Variants in CREB3L2 observed in about 807,000 individuals in gnomAD.
CREB3L2 encodes the protein cAMP responsive element binding protein 3 like 2.
A neutral mutation model predicts 57.2 loss-of-function variants in CREB3L2; 23 were observed. That is an observed-to-expected ratio of 0.40 (90% CI 0.29 to 0.57). The LOEUF (loss-of-function observed/expected upper bound fraction) is 0.57, where lower values mean the gene tolerates loss of function less well. CREB3L2 is among the 20% of genes least tolerant of loss of function. The pLI, the probability that CREB3L2 is intolerant of heterozygous loss-of-function variation, is 0.42. For synonymous variants in CREB3L2, 268 were observed against 265.1 expected, an observed-to-expected ratio of 1.01 and a Z score of -0.11; for missense variants, 628 against 634.7, an observed-to-expected ratio of 0.99 and a Z score of 0.11.
chr7:137,922,408 A>ATG (rs1800323110), intron 2 of CREB3L2, among the ~76,000 whole-genome samples: 2 of 29,056 alleles, frequency 6.9e-5, no homozygotes, highest in Non-Finnish European at 1.3e-4. Flanking sequence ...ATATATATAT[A>ATG]TATATATGTA....
At position 137,915,959 on chromosome 7, in the gene CREB3L2, T is replaced by C. The variant is rs1396043548; in HGVS notation, c.373A>G (p.Ile125Val). 1.2e-6 allele frequency: 2 copies of C among 1,614,092 alleles called. No homozygotes were observed. The highest frequency in any genetic ancestry group is 1.7e-6 in the Non-Finnish European group (2 of 1,179,978). The change falls in exon 3 of 12, where the codon ATC becomes GTC. Residue 125 changes from isoleucine to valine, a missense_variant. By Grantham distance (29) the Ile-to-Val change is conservative (BLOSUM62 3). Transcript: ENST00000330387. ...YLSTDFPSTS[I>V]KTEPVTDEPP... ...TCGTCTGTAACTGGCTCTGTCTTGA[T>C]GGATGTTGAAGGGAAGTCTGTAGAC...
At chr7:137,927,553 T>G (rs1231711341) in intron 2 of CREB3L2, among the ~76,000 whole-genome samples, 3 of 152,046 alleles carry the variant, frequency 2.0e-5, no homozygotes, top group African/African-American at 7.3e-5. Context: ...TTTTACCAAT[T>G]AAGGGCTGTA....
At position 137,897,984 on chromosome 7, in the gene CREB3L2, T is replaced by C. The variant is rs191286465; in HGVS notation, c.1043+3370A>G. Among the ~76,000 whole-genome samples the C allele has an allele frequency of 8.6e-3, 1,311 of 152,190 alleles. 8 individuals carry two copies. Among genetic ancestry groups the C allele is most frequent in the Non-Finnish European group, 0.013 (897 of 68,000 alleles). ...ACAAAATGAAAAGGCAGCCCACGGA[T>C]TGGGAGAAAATGTTTGCAAACCATA... On this transcript the variant is annotated intron_variant, in intron 8 of 11. Transcript: ENST00000330387.
chr7:137,956,576 T>C lies in CREB3L2; in HGVS notation c.103-28210A>G, dbSNP rs554440789. The C allele has an allele frequency of 3.6e-5, 47 of 1,288,436 alleles. No individual in the cohort carries two copies. In the East Asian group the frequency reaches 7.8e-4, roughly 21 times the overall value. 79.8% of individuals were successfully genotyped at this position (1,288,436 alleles called of 1,614,324 possible). A position where few individuals can be genotyped will look rare whatever the true frequency, so the allele number is the denominator to read the frequency against. On this transcript the variant is annotated intron_variant, in intron 1 of 11. Coordinates refer to ENST00000330387, the MANE Select transcript of CREB3L2 (RefSeq NM_194071.4). Reference sequence around the variant, plus strand: ...CTGCCATTGCACTCTCTACCTTCCATCTTTCAGGTCCTGGCAATCCTTCAC... The same window carrying C: ...CTGCCATTGCACTCTCTACCTTCCACCTTTCAGGTCCTGGCAATCCTTCAC...
chr7:137,912,680 C>T lies in CREB3L2; in HGVS notation c.583+311G>A, dbSNP rs113512243. The T allele has an allele frequency of 4.1e-3, 2,634 of 650,118 alleles. 8 individuals carry two copies. Among genetic ancestry groups the T allele is most frequent in the African/African-American group, 0.012 (660 of 54,854 alleles). The allele number at this position is 650,118 out of a possible 1,614,324, so 40.3% of individuals were successfully genotyped here. ...TTCACGCCTGGATGAATAAGGGCTG[C>T]AGTTCTCTTGTTCGATAGTGTTTGT... is the stretch of plus-strand genomic sequence containing the variant. On this transcript the variant is annotated intron_variant, in intron 4 of 11. Coordinates refer to ENST00000330387, the MANE Select transcript of CREB3L2 (RefSeq NM_194071.4).
At chr7:137,928,522 A>G (rs746343252) in intron 1 of CREB3L2, among the ~76,000 whole-genome samples, 156 bp from the exon 2 acceptor site, 6 of 146,988 alleles carry the variant, frequency 4.1e-5, no homozygotes, top group Non-Finnish European at 9.0e-5. Context: ...AACCACCCCA[A>G]TGTTTAGTGG....
At chr7:137,922,394 A>G (rs1215511619) in intron 2 of CREB3L2, among the ~76,000 whole-genome samples, 479 of 18,014 alleles carry the variant, frequency 0.027, 15 homozygotes, top group African/African-American at 0.12. Flanking sequence ...GTATATATAT[A>G]TATATATATA....
At chr7:137,996,885 A>G (rs1466546407) in intron 1 of CREB3L2, among the ~76,000 whole-genome samples, 1 of 152,232 alleles carries the variant, frequency 6.6e-6, no homozygotes, top group Non-Finnish European at 1.5e-5. Flanking sequence ...TACTTTCACA[A>G]AGACTTAGTT....
At chr7:137,921,131 A>C (rs1032073331) in intron 2 of CREB3L2, among the ~76,000 whole-genome samples, 1 of 152,206 alleles carries the variant, frequency 6.6e-6, no homozygotes, top group Non-Finnish European at 1.5e-5. Context: ...ACACCCTCTA[A>C]TTTCTAAAAC....
At chr7:137,958,869 C>T (rs1026385486) in intron 1 of CREB3L2, among the ~76,000 whole-genome samples, 17 of 152,222 alleles carry the variant, frequency 1.1e-4, no homozygotes, top group African/African-American at 4.1e-4. Context: ...CCAGTGCAGT[C>T]AGGATCAATC....
At chr7:137,917,035 G>A (rs1283751069) in intron 2 of CREB3L2, among the ~76,000 whole-genome samples, 10 of 152,080 alleles carry the variant, frequency 6.6e-5, no homozygotes, top group Admixed American at 5.9e-4. Flanking sequence ...GACTTTCAGA[G>A]ACTCTGCTTA....
chr7:137,957,954 TTG>T (rs1290213008), intron 1 of CREB3L2: 4 of 376,882 alleles, frequency 1.1e-5, no homozygotes, highest in African/African-American at 8.5e-5. Flanking sequence ...GGCAGGAACA[TTG>T]TGTCTGGCGT....
intron 1 of CREB3L2, among the ~76,000 whole-genome samples, chr7:137,975,652 C>T (rs1801594052): frequency 6.6e-6 from 1 of 152,154 alleles, no homozygotes; most frequent in Admixed American, 6.5e-5. Flanking sequence ...TAGATGCTCT[C>T]TGCGTCTTCC....
intron 1 of CREB3L2, chr7:137,953,524 G>C (rs1801143989): frequency 7.8e-7 from 1 of 1,289,118 alleles, no homozygotes. Flanking sequence ...GAAAGGGAAA[G>C]GTATGCGGGT....
chr7:137,990,629 T>C (rs1335058094), intron 1 of CREB3L2, among the ~76,000 whole-genome samples: 1 of 151,968 alleles, frequency 6.6e-6, no homozygotes, highest in African/African-American at 2.4e-5. Context: ...AAGGAAGGAG[T>C]TAATGGCTGA....
Position 137,882,576 on chromosome 7 carries a change from T to A in CREB3L2, c.1323A>T (p.Ser441=), listed in dbSNP as rs1272665628. Residue 441 remains serine, a synonymous_variant, in exon 11 of 12, where the codon TCA becomes TCT. Coordinates refer to ENST00000330387, the MANE Select transcript of CREB3L2 (RefSeq NM_194071.4). ...IYEEHSPPEE[S]SSPGSAGELG... ...GCTCCCCAGCCGAGCCCGGGCTGGA[T>A]GACTCCTCTGGGGGAGAATGTTCCT... 6.2e-7 allele frequency: 1 copy of A among 1,613,196 alleles called. No homozygotes were observed. The highest frequency in any genetic ancestry group is 1.7e-5 in the Admixed American group (1 of 59,958).
intron 1 of CREB3L2, among the ~76,000 whole-genome samples, chr7:137,963,558 G>C (rs891714647): frequency 1.3e-5 from 2 of 152,056 alleles, no homozygotes; most frequent in Non-Finnish European, 2.9e-5. Flanking sequence ...TCACTCTCTG[G>C]TATCATGATC....
intron 8 of CREB3L2, among the ~76,000 whole-genome samples, chr7:137,889,414 TC>T (rs1301632257): frequency 3.3e-5 from 5 of 152,332 alleles, no homozygotes; most frequent in African/African-American, 1.2e-4. Context: ...CACGGACACA[TC>T]CTTTCCCAAC....
chr7:137,879,990 G>C lies in CREB3L2; in HGVS notation c.*486C>G. ...GGGGCAGAGTGGGCGGAGGGCTGCT[G>C]TCGGGGGTGTTCACACCAGAGACCC... On this transcript the variant is annotated 3_prime_UTR_variant, in exon 12 of 12. Transcript: ENST00000330387. The C allele has an allele frequency of 4.1e-6, 1 of 242,286 alleles. No homozygotes were observed. The highest frequency in any genetic ancestry group is 8.1e-6 in the Non-Finnish European group (1 of 123,358). The allele number at this position is 242,286 out of a possible 1,614,324, so 15.0% of individuals were successfully genotyped here. A position where few individuals can be genotyped will look rare whatever the true frequency, so the allele number is the denominator to read the frequency against.
Sources: allele counts gnomAD v4.1 joint callset (sites outside exome capture counted in the v4.1 genomes callset), GRCh38; gene constraint gnomAD v4.1.1; transcripts MANE v1.5; gene names NCBI Gene and HGNC (gene_info 2026-07-23, HGNC 2026-07-21).